The following CPNE8 variants were observed in gnomAD, a reference collection of about 807,000 sequenced individuals.
CPNE8 encodes the protein copine 8.
In CPNE8, 45 loss-of-function variants were observed where a neutral mutation model predicts 81.5. That is an observed-to-expected ratio of 0.55 (90% CI 0.44 to 0.71). The LOEUF is 0.71. Among genes scored for constraint, CPNE8 ranks in the 30% least tolerant of loss-of-function variants. CPNE8 has a pLI of 0.00. For missense variants in CPNE8, 594 were observed against 672.1 expected (o/e 0.88, Z 1.28); for synonymous variants, 252 against 226.3 (o/e 1.11, Z -1.02).
At chr12:38,751,826 G>A (rs996195412) in intron 10 of CPNE8, among the ~76,000 whole-genome samples, 5 of 152,092 alleles carry the variant, frequency 3.3e-5, no homozygotes, top group African/African-American at 1.2e-4. Flanking sequence ...ATTCACAATA[G>A]TCCCTTATAA....
At position 38,905,552 on chromosome 12, in the gene CPNE8, T is replaced by A; in HGVS notation, c.-18A>T. 6.4e-7 allele frequency: 1 copy of A among 1,551,948 alleles called. No homozygotes were observed. On this transcript the variant is annotated 5_prime_UTR_variant, in exon 1 of 20. Transcript: ENST00000331366. ...CTGTCCATATTGGGAGGAGGCGCCTTGGACTTGTCCGGCGCCCACAACCAC... is the reference window on the plus strand; with the variant it reads ...CTGTCCATATTGGGAGGAGGCGCCTAGGACTTGTCCGGCGCCCACAACCAC...
intron 6 of CPNE8, among the ~76,000 whole-genome samples, chr12:38,803,667 G>A (rs537921037): frequency 3.1e-4 from 47 of 149,696 alleles, no homozygotes; most frequent in Non-Finnish European, 5.9e-4. Flanking sequence ...GGGCAATCAG[G>A]CAGGAGAAGG....
At chr12:38,734,232 T>C (rs931003127) in intron 10 of CPNE8, among the ~76,000 whole-genome samples, 2 of 152,072 alleles carry the variant, frequency 1.3e-5, no homozygotes, top group Admixed American at 6.6e-5. Context: ...CAAACACACT[T>C]AGGGCAATAG....
intron 3 of CPNE8, among the ~76,000 whole-genome samples, chr12:38,861,460 T>C (rs1186649783): frequency 6.6e-6 from 1 of 151,948 alleles, no homozygotes; most frequent in African/African-American, 2.4e-5. Flanking sequence ...CAAAAACAAA[T>C]TGAAACATTA....
At chr12:38,767,604 T>C in intron 8 of CPNE8, 31 bp downstream of exon 8, 2 of 1,249,256 alleles carry the variant, frequency 1.6e-6, no homozygotes, top group Admixed American at 2.4e-5. Flanking sequence ...ATCATTACCA[T>C]ATAGTTGAAA....
rs1459688553 is a variant in CPNE8 at position 38,750,454 on chromosome 12, T to C, written c.722+10393A>G. On this transcript the variant is annotated intron_variant, in intron 10 of 19. Transcript: ENST00000331366. ...ACTCAATGCCAGCCCGTGAAAGCAG[T>C]CAGGAAGGGGGCTAAACCCTGCAAA... is the stretch of plus-strand genomic sequence containing the variant. Among the ~76,000 whole-genome samples the C allele has an allele frequency of 3.9e-5, 6 of 152,202 alleles. No homozygotes were observed. The South Asian group carries it at 6.2e-4, about 16-fold the overall frequency.
In CPNE8 at chr12:38,660,233, A is replaced by T. The variant is rs561205101; in HGVS notation, c.1507-6163T>A. ...CAAACTATACTACAAGGCTACAGTA[A>T]CCAAAACAGCATGGTACTGGTACCA... On this transcript the variant is annotated intron_variant, in intron 19 of 19. Coordinates refer to ENST00000331366, the MANE Select transcript of CPNE8 (RefSeq NM_153634.3). Among the ~76,000 whole-genome samples the T allele has an allele frequency of 2.4e-4, 37 of 152,350 alleles. 1 individual carries two copies. Among genetic ancestry groups the T allele is most frequent in the African/African-American group, 8.9e-4 (37 of 41,590 alleles).
At chr12:38,679,918 T>C (rs1472121343) in intron 16 of CPNE8, among the ~76,000 whole-genome samples, 1 of 151,854 alleles carries the variant, frequency 6.6e-6, no homozygotes, top group East Asian at 1.9e-4. Context: ...GACACTGATA[T>C]ATAGACTCAC....
At chr12:38,885,168 T>A (rs1025597287) in intron 1 of CPNE8, among the ~76,000 whole-genome samples, 2 of 152,158 alleles carry the variant, frequency 1.3e-5, no homozygotes, top group Admixed American at 6.5e-5. Context: ...ATTTTAAACT[T>A]ATATACAGAA....
rs181463920 is a variant in CPNE8, at chr12:38,807,083, T to C, written c.407+22296A>G. ...CTCTTCCAGGAGAACTACAAACCAC[T>C]GCTTAAGGAAATAAAAGAGGACACA... On this transcript the variant is annotated intron_variant, in intron 6 of 19. Transcript: ENST00000331366. 2.4e-3 allele frequency among the ~76,000 whole-genome samples: 363 copies of C among 152,206 alleles called. 2 individuals are homozygous for C. The highest frequency in any genetic ancestry group is 8.4e-3 in the African/African-American group (349 of 41,520).
At chr12:38,836,915 A>C (rs1175536714) in intron 5 of CPNE8, among the ~76,000 whole-genome samples, 1 of 152,196 alleles carries the variant, frequency 6.6e-6, no homozygotes, top group African/African-American at 2.4e-5. Flanking sequence ...CATCTCTAAC[A>C]GTTCTTATAA....
chr12:38,720,934 T>C (rs1395320814), intron 13 of CPNE8: 1 of 152,764 alleles, frequency 6.5e-6, no homozygotes, highest in East Asian at 1.9e-4. Context: ...ACAGCTGCAG[T>C]TGCCCAAACC....
intron 15 of CPNE8, among the ~76,000 whole-genome samples, chr12:38,689,157 A>G (rs1939611500): frequency 6.6e-6 from 1 of 152,214 alleles, no homozygotes; most frequent in African/African-American, 2.4e-5. Flanking sequence ...GCCTTATTTC[A>G]TATTTCCCTC....
chr12:38,672,093 G>T (rs1395683607), intron 18 of CPNE8, among the ~76,000 whole-genome samples: 2 of 151,974 alleles, frequency 1.3e-5, no homozygotes, highest in African/African-American at 4.8e-5. Flanking sequence ...ACATAAATAT[G>T]CACCAATGGT....
intron 10 of CPNE8, among the ~76,000 whole-genome samples, chr12:38,732,822 T>C (rs1056897620): frequency 7.2e-5 from 11 of 151,962 alleles, no homozygotes; most frequent in Non-Finnish European, 2.9e-5. Context: ...CATACATAAA[T>C]GAAACAATGA....
chr12:38,659,647 G>C lies in CPNE8; in HGVS notation c.1507-5577C>G, dbSNP rs146672220. Among the ~76,000 whole-genome samples, 719 of 152,310 alleles carry C rather than the reference G, an allele frequency of 4.7e-3. 5 individuals are homozygous for C. Among genetic ancestry groups the C allele is most frequent in the African/African-American group, 0.016 (668 of 41,562 alleles). On this transcript the variant is annotated intron_variant, in intron 19 of 19. Coordinates refer to ENST00000331366, the MANE Select transcript of CPNE8 (RefSeq NM_153634.3). Reference sequence around the variant, plus strand: ...TCCAAAATTGACCACAGAGTTGGAAGTAAAGCGCTCCTCAGCAAATGTAAA... The same window carrying C: ...TCCAAAATTGACCACAGAGTTGGAACTAAAGCGCTCCTCAGCAAATGTAAA...
chr12:38,828,475 C>T lies in CPNE8; in HGVS notation c.407+904G>A, dbSNP rs78744832. Among the ~76,000 whole-genome samples, 1,425 of 152,176 alleles carry T rather than the reference C, an allele frequency of 9.4e-3. 30 individuals are homozygous for T. Among genetic ancestry groups the T allele is most frequent in the African/African-American group, 0.032 (1,315 of 41,536 alleles). Reference sequence around the variant, plus strand: ...AGAATTCTTATTAGCCTAATAATTTCTTGCATAGCAATGAACACACTAAAT... The same window carrying T: ...AGAATTCTTATTAGCCTAATAATTTTTTGCATAGCAATGAACACACTAAAT... On this transcript the variant is annotated intron_variant, in intron 6 of 19. Transcript: ENST00000331366.
intron 6 of CPNE8, among the ~76,000 whole-genome samples, chr12:38,799,627 A>C (rs1180457187): frequency 6.6e-6 from 1 of 152,162 alleles, no homozygotes; most frequent in Non-Finnish European, 1.5e-5. Context: ...TAACATCACA[A>C]TTAAAAGAAC....
intron 6 of CPNE8, among the ~76,000 whole-genome samples, chr12:38,793,329 TACAC>T (rs55794135): frequency 8.9e-4 from 132 of 148,876 alleles, no homozygotes; most frequent in South Asian, 4.7e-3. Context: ...TTCTAAAAAT[TACAC>T]ACACACACAC....
Sources: gnomAD v4.1 joint callset for allele counts (sites outside exome capture counted in the v4.1 genomes callset) on GRCh38, gnomAD v4.1.1 for gene constraint, MANE v1.5 for transcripts, NCBI Gene and HGNC (gene_info 2026-07-23, HGNC 2026-07-21) for gene names.